PACS1: variants seen among roughly 807,000 people sequenced by gnomAD.
PACS1 encodes the protein PACS-1.
In PACS1, 24 loss-of-function variants were observed where a neutral mutation model predicts 115.0. The observed-to-expected ratio is 0.21, with a 90% CI of 0.15 to 0.29. The LOEUF is 0.29. PACS1 is among the 10% of genes least tolerant of loss of function. The pLI is 1.00. For missense variants in PACS1, 838 were observed against 1,251.2 expected (o/e 0.67, Z 4.98); for synonymous variants, 453 against 504.5 (o/e 0.90, Z 1.37).
chr11:66,138,206 C>G (rs922182031), intron 1 of PACS1, among the ~76,000 whole-genome samples: 3 of 152,034 alleles, frequency 2.0e-5, no homozygotes, highest in African/African-American at 7.3e-5. Flanking sequence ...ATGCTCCTGC[C>G]TCAGCCTTCT....
At chr11:66,105,445 A>G (rs533600100) in intron 1 of PACS1, among the ~76,000 whole-genome samples, 1 of 152,296 alleles carries the variant, frequency 6.6e-6, no homozygotes, top group African/African-American at 2.4e-5. Flanking sequence ...ACAAACTGGT[A>G]ATTATGATAA....
intron 2 of PACS1, among the ~76,000 whole-genome samples, chr11:66,205,450 G>A (rs543418154): frequency 2.6e-5 from 4 of 151,794 alleles, no homozygotes; most frequent in Admixed American, 6.6e-5. Flanking sequence ...TGCTTGAGGC[G>A]ATGGATACCC....
intron 1 of PACS1, among the ~76,000 whole-genome samples, chr11:66,118,653 G>T (rs533620061): frequency 6.6e-6 from 1 of 151,120 alleles, no homozygotes; most frequent in African/African-American, 2.4e-5. Context: ...TAGGCCAGGC[G>T]TGGTAGCTCA....
chr11:66,114,290 C>T (rs999108616), intron 1 of PACS1, among the ~76,000 whole-genome samples: 4 of 151,772 alleles, frequency 2.6e-5, no homozygotes, highest in Non-Finnish European at 4.4e-5. Context: ...TAGTGGCGGA[C>T]GCCTATAGTC....
At chr11:66,116,249 T>A (rs971036047) in intron 1 of PACS1, among the ~76,000 whole-genome samples, 1 of 152,222 alleles carries the variant, frequency 6.6e-6, no homozygotes, top group Non-Finnish European at 1.5e-5. Flanking sequence ...CTGGGTCATC[T>A]ATTTTGTTCT....
chr11:66,164,909 G>A (rs917869863), intron 1 of PACS1, among the ~76,000 whole-genome samples: 1 of 152,060 alleles, frequency 6.6e-6, no homozygotes, highest in Non-Finnish European at 1.5e-5. Context: ...TAGAGAACAT[G>A]TGGTCCCAAC....
intron 1 of PACS1, among the ~76,000 whole-genome samples, chr11:66,133,252 G>C (rs1283939536): frequency 6.6e-6 from 1 of 152,128 alleles, no homozygotes; most frequent in Admixed American, 6.6e-5. Context: ...GAGTTTATTT[G>C]TTGCATTTAT....
chr11:66,078,522 A>G (rs1330137883), intron 1 of PACS1, among the ~76,000 whole-genome samples: 1 of 152,178 alleles, frequency 6.6e-6, no homozygotes, highest in Non-Finnish European at 1.5e-5. Context: ...CTGGCATGTT[A>G]ATTGTCTCTG....
In PACS1 at chr11:66,235,778, C is replaced by A; in HGVS notation, c.2208-120C>A. On this transcript the variant is annotated intron_variant, in intron 18 of 23. Transcript: ENST00000320580. This position sits in a 1 kb window ranked among gnomAD's most constrained non-coding sequence, Gnocchi z 5.6. ...CCATGCCACCCCAGGATGTGATGGG[C>A]AGAGGCAGCCCAGCATCCTGGACTC... 2.3e-6 allele frequency: 2 copies of A among 867,894 alleles called. No homozygotes were observed. Among genetic ancestry groups the A allele is most frequent in the Non-Finnish European group, 4.0e-6 (2 of 502,876 alleles). The allele number at this position is 867,894 out of a possible 1,614,324, so 53.8% of individuals were successfully genotyped here.
intron 1 of PACS1, among the ~76,000 whole-genome samples, chr11:66,156,202 AATT>A (rs1859349750): frequency 9.7e-6 from 1 of 102,804 alleles, no homozygotes; most frequent in Non-Finnish European, 2.0e-5. Flanking sequence ...TCATTTTTTA[AATT>A]ATATATATAT....
chr11:66,226,967 AATTT>A (rs1277725405), intron 10 of PACS1, among the ~76,000 whole-genome samples: 3 of 152,222 alleles, frequency 2.0e-5, no homozygotes, highest in Admixed American at 2.0e-4. Context: ...ATGGAGAATT[AATTT>A]ACACCTAAAT....
intron 1 of PACS1, among the ~76,000 whole-genome samples, chr11:66,160,771 C>T (rs1188056412): frequency 3.3e-5 from 5 of 151,504 alleles, no homozygotes; most frequent in African/African-American, 9.7e-5. Flanking sequence ...ATCCTCCTGC[C>T]TCGGCCTCCC....
intron 2 of PACS1, among the ~76,000 whole-genome samples, chr11:66,200,048 C>CAA (rs148337835): frequency 0.12 from 17,163 of 142,302 alleles, 1,411 homozygotes; most frequent in Admixed American, 0.25. Flanking sequence ...CAAAACAAAA[C>CAA]AAAAAAAAAA....
At chr11:66,112,192 A>G (rs1858206847) in intron 1 of PACS1, among the ~76,000 whole-genome samples, 1 of 152,200 alleles carries the variant, frequency 6.6e-6, no homozygotes, top group African/African-American at 2.4e-5. Flanking sequence ...AATCCCCTCC[A>G]GTAAAACCCA....
intron 1 of PACS1, among the ~76,000 whole-genome samples, chr11:66,100,555 G>A (rs761824815): frequency 7.9e-5 from 12 of 152,196 alleles, no homozygotes; most frequent in Non-Finnish European, 1.2e-4. Flanking sequence ...AAAATCATAA[G>A]TAGTATTTGT....
chr11:66,232,945 C>T lies in PACS1; in HGVS notation c.1732-15C>T. 3.1e-6 allele frequency: 5 copies of T among 1,594,018 alleles called. No homozygotes were observed. The highest frequency in any genetic ancestry group is 4.3e-6 in the Non-Finnish European group (5 of 1,162,928). On this transcript the variant is annotated splice_polypyrimidine_tract_variant and intron_variant, in intron 14 of 23. Transcript: ENST00000320580. ...TTCTCACCTGTGTCCCTGCTCTCCT[C>T]CCTCCCTATCCCAGTATGTGGCTGA...
Position 66,129,455 on chromosome 11 carries a change from A to ATATTATTATTATTAT in PACS1, c.356+58634_356+58648dup, listed in dbSNP as rs71455707. 1.0e-4 allele frequency among the ~76,000 whole-genome samples: 14 copies of ATATTATTATTATTAT among 140,388 alleles called. No individual in the cohort carries two copies. The East Asian group carries it at 1.6e-3, about 16-fold the overall frequency. The allele number at this position is 140,388 out of a possible 152,430, so 92.1% of individuals were successfully genotyped here. On this transcript the variant is annotated intron_variant, in intron 1 of 23. Coordinates refer to ENST00000320580, the MANE Select transcript of PACS1 (RefSeq NM_018026.4). ...TCAAAAAAAAAAAAGGGTTTAAAAA[A>ATATTATTATTATTAT]TATTATTATTATTATTATTATTATT...
intron 1 of PACS1, among the ~76,000 whole-genome samples, chr11:66,111,916 A>C (rs1590751943): frequency 6.6e-6 from 1 of 152,084 alleles, no homozygotes; most frequent in Admixed American, 6.6e-5. Context: ...AAAGTGCTGG[A>C]ATTACAGGTG....
intron 1 of PACS1, among the ~76,000 whole-genome samples, chr11:66,101,638 C>T (rs1857922953): frequency 6.6e-6 from 1 of 152,050 alleles, no homozygotes; most frequent in African/African-American, 2.4e-5. Context: ...GATGTGTCAT[C>T]GAAGTGGGTG....
Sources: gnomAD v4.1 joint callset for allele counts (sites outside exome capture counted in the v4.1 genomes callset) on GRCh38, gnomAD v4.1.1 for gene constraint, Gnocchi (gnomAD v3.1) non-coding constraint, MANE v1.5 for transcripts, NCBI Gene and HGNC (gene_info 2026-07-23, HGNC 2026-07-21) for gene names.